GPR39: variants seen among roughly 807,000 people sequenced by gnomAD.
The protein encoded by GPR39 is zinc sensing receptor.
Under a neutral mutation model 18.4 loss-of-function variants are expected in GPR39, and 23 were observed. The observed-to-expected ratio is 1.25, with a 90% CI of 0.90 to 1.77. The LOEUF (loss-of-function observed/expected upper bound fraction) is 1.77. GPR39 is among the 40% of genes most tolerant of loss of function. The probability of loss-of-function intolerance (pLI) is 0.00; values close to 1 mark genes in which losing one functional copy is unlikely to be tolerated. For missense variants in GPR39, 647 were observed against 602.4 expected (o/e 1.07, Z -0.78); for synonymous variants, 280 against 257.9 (o/e 1.09, Z -0.82).
intron 1 of GPR39, among the ~76,000 whole-genome samples, chr2:132,500,429 C>T (rs1037484434): frequency 6.6e-6 from 1 of 152,132 alleles, no homozygotes; most frequent in Admixed American, 6.5e-5. Context: ...GGTATGAAAC[C>T]TACCTGATCA....
intron 1 of GPR39, among the ~76,000 whole-genome samples, chr2:132,502,765 A>T (rs13017947): frequency 0.45 from 68,027 of 152,014 alleles, 16,044 homozygotes; most frequent in Non-Finnish European, 0.51. Context: ...TGTTCATTTT[A>T]AAAAATTCTT....
chr2:132,444,226 T>C (rs1020266393), intron 1 of GPR39, among the ~76,000 whole-genome samples: 9 of 152,332 alleles, frequency 5.9e-5, no homozygotes, highest in African/African-American at 2.2e-4. Flanking sequence ...TTACCCGAAC[T>C]ATTGAACTGT....
intron 1 of GPR39, among the ~76,000 whole-genome samples, chr2:132,641,796 T>C (rs958763578): frequency 2.0e-5 from 3 of 152,236 alleles, no homozygotes; most frequent in Admixed American, 1.3e-4. Flanking sequence ...TGAACAGCAC[T>C]GTGCTATATC....
chr2:132,547,882 C>T (rs1205527882), intron 1 of GPR39, among the ~76,000 whole-genome samples: 12 of 152,128 alleles, frequency 7.9e-5, no homozygotes, highest in Non-Finnish European at 4.4e-5. Flanking sequence ...GAATGTGGCC[C>T]ATAATATATT....
chr2:132,430,118 G>A (rs554379839), intron 1 of GPR39, among the ~76,000 whole-genome samples: 1 of 152,346 alleles, frequency 6.6e-6, no homozygotes, highest in African/African-American at 2.4e-5. Flanking sequence ...AGTGTGAGGG[G>A]CACAGGTGTG....
In GPR39 at chr2:132,630,779, G is replaced by A. The variant is rs115006782; in HGVS notation, c.857-14322G>A. On this transcript the variant is annotated intron_variant, in intron 1 of 1. Coordinates refer to ENST00000329321, the MANE Select transcript of GPR39 (RefSeq NM_001508.3). ...GCTTAGGGATCGATTGGATGTGGGG[G>A]TGAGAGGGGAAGAAGTAAAACAGGA... Among the ~76,000 whole-genome samples, 399 of 152,262 alleles carry A rather than the reference G, an allele frequency of 2.6e-3. 1 individual carries two copies. The highest frequency in any genetic ancestry group is 6.6e-3 in the South Asian group (32 of 4,826).
intron 1 of GPR39, among the ~76,000 whole-genome samples, chr2:132,622,667 T>C (rs974142083): frequency 2.0e-5 from 3 of 152,238 alleles, no homozygotes; most frequent in Non-Finnish European, 4.4e-5. Flanking sequence ...GGGATTCTTT[T>C]TGTGGCAATT....
At chr2:132,608,286 A>C (rs1238797117) in intron 1 of GPR39, among the ~76,000 whole-genome samples, 1 of 152,222 alleles carries the variant, frequency 6.6e-6, no homozygotes, top group Non-Finnish European at 1.5e-5. Context: ...TGTTGGTGGC[A>C]CCAGTTAGAA....
intron 1 of GPR39, among the ~76,000 whole-genome samples, chr2:132,424,692 C>G (rs1015995600): frequency 1.3e-5 from 2 of 152,194 alleles, no homozygotes; most frequent in African/African-American, 2.4e-5. Flanking sequence ...AGAAGTTAAA[C>G]AGCACAGTTG....
At chr2:132,611,112 C>A (rs1044112651) in intron 1 of GPR39, among the ~76,000 whole-genome samples, 1 of 152,204 alleles carries the variant, frequency 6.6e-6, no homozygotes, top group Non-Finnish European at 1.5e-5. Flanking sequence ...TTTTGAAGCA[C>A]CCAACTTCCC....
chr2:132,630,813 A>G (rs1389823188), intron 1 of GPR39, among the ~76,000 whole-genome samples: 5 of 152,190 alleles, frequency 3.3e-5, no homozygotes, highest in Non-Finnish European at 5.9e-5. Flanking sequence ...GACGACTTGC[A>G]GGTTCCCAGC....
At chr2:132,624,251 C>T (rs1337074790) in intron 1 of GPR39, among the ~76,000 whole-genome samples, 1 of 152,102 alleles carries the variant, frequency 6.6e-6, no homozygotes, top group Non-Finnish European at 1.5e-5. Flanking sequence ...ATGTCTGTGT[C>T]CAAATTTCCT....
chr2:132,537,782 AT>A (rs1186840633), intron 1 of GPR39, among the ~76,000 whole-genome samples: 1 of 151,422 alleles, frequency 6.6e-6, no homozygotes, highest in Non-Finnish European at 1.5e-5. Context: ...TGCATGCTTT[AT>A]TTCAGCAAAA....
intron 1 of GPR39, among the ~76,000 whole-genome samples, chr2:132,568,329 A>G (rs962137990): frequency 6.6e-6 from 1 of 152,138 alleles, no homozygotes; most frequent in Non-Finnish European, 1.5e-5. Flanking sequence ...GCTTGTCGCC[A>G]TTGCAGCTAT....
intron 1 of GPR39, among the ~76,000 whole-genome samples, chr2:132,442,023 A>G (rs892730169): frequency 1.3e-5 from 2 of 152,074 alleles, no homozygotes; most frequent in African/African-American, 4.8e-5. Context: ...TCAGGTTCTA[A>G]AGTCAGTGTC....
At chr2:132,642,941 C>G (rs761763784) in intron 1 of GPR39, among the ~76,000 whole-genome samples, 16 of 152,112 alleles carry the variant, frequency 1.1e-4, no homozygotes, top group Non-Finnish European at 5.9e-5. Context: ...TTTCCTAGTT[C>G]TTTCACAATT....
rs193055593 is a variant in GPR39, at chr2:132,494,147, C to G, written c.856+76249C>G. ...ACCTTGATTGTTAAGAGATGGGAGA[C>G]AAGATACAGGTTTCTCATTGAGTTG... On this transcript the variant is annotated intron_variant, in intron 1 of 1. Transcript: ENST00000329321. Among the ~76,000 whole-genome samples, 432 of 152,124 alleles carry G rather than the reference C, an allele frequency of 2.8e-3. 2 individuals carry two copies. The highest frequency in any genetic ancestry group is 4.8e-3 in the Non-Finnish European group (329 of 67,994).
chr2:132,580,702 T>C (rs1680607289), intron 1 of GPR39, among the ~76,000 whole-genome samples: 1 of 152,066 alleles, frequency 6.6e-6, no homozygotes, highest in African/African-American at 2.4e-5. Context: ...GGTGGCTCAT[T>C]CCTGTAATCC....
intron 1 of GPR39, among the ~76,000 whole-genome samples, chr2:132,531,641 C>A (rs1012039879): frequency 7.2e-5 from 11 of 152,154 alleles, no homozygotes; most frequent in African/African-American, 2.7e-4. Flanking sequence ...GAAATTATAA[C>A]AAACTATCTC....
Sources: allele counts gnomAD v4.1 joint callset (sites outside exome capture counted in the v4.1 genomes callset), GRCh38; gene constraint gnomAD v4.1.1; transcripts MANE v1.5; gene names NCBI Gene and HGNC (gene_info 2026-07-23, HGNC 2026-07-21).